The following DCLK1 variants were observed in gnomAD, a reference collection of about 807,000 sequenced individuals.
DCLK1 encodes the protein doublecortin like kinase 1, also known as serine/threonine-protein kinase DCLK1.
A neutral mutation model predicts 86.2 loss-of-function variants in DCLK1; 16 were observed. The ratio of observed to expected loss-of-function variants is 0.19; its 90% CI spans 0.13 to 0.28. DCLK1 has a LOEUF of 0.28. Ranked by LOEUF, DCLK1 falls within the 10% of genes least tolerant of loss-of-function variation. The pLI, the probability that DCLK1 is intolerant of heterozygous loss-of-function variation, is 1.00. For missense variants in DCLK1, 590 were observed against 940.2 expected, an observed-to-expected ratio of 0.63 and a Z score of 4.87; for synonymous variants, 369 against 370.5, an observed-to-expected ratio of 1.00 and a Z score of 0.05.
intron 3 of DCLK1, among the ~76,000 whole-genome samples, chr13:35,976,316 C>T (rs1879325784): frequency 6.6e-6 from 1 of 151,884 alleles, no homozygotes; most frequent in Non-Finnish European, 1.5e-5. Flanking sequence ...CAGCTGCAGC[C>T]CAGATGGAAG....
chr13:35,875,149 CATT>C (rs960390134), intron 4 of DCLK1, among the ~76,000 whole-genome samples: 1 of 152,164 alleles, frequency 6.6e-6, no homozygotes, highest in Non-Finnish European at 1.5e-5. Context: ...TTATGCAACA[CATT>C]GTTGTTAAGT....
At chr13:35,985,391 CA>C (rs139242465) in intron 3 of DCLK1, among the ~76,000 whole-genome samples, 30,528 of 139,406 alleles carry the variant, frequency 0.22, 3,207 homozygotes, top group Middle Eastern at 0.35. Context: ...AACAAACAAA[CA>C]AAAAAAAAAA....
Position 35,793,408 on chromosome 13 carries a change from G to A in DCLK1, c.2016C>T (p.Gly672=), listed in dbSNP as rs1442010379. The A allele has an allele frequency of 6.2e-7, 1 of 1,609,524 alleles. No homozygotes were observed. The highest frequency in any genetic ancestry group is 1.7e-5 in the Admixed American group (1 of 59,572). The change falls in exon 16 of 17, where the codon GGC becomes GGT. Residue 672 remains glycine (G), a synonymous_variant. Coordinates refer to ENST00000360631, the MANE Select transcript of DCLK1 (RefSeq NM_001330071.2). The part of the protein sequence containing the change: ...AGKIKKHFNT[G]PKPNSTAAGV... ...CAGCTGCTGTGCTATTCGGCTTGGG[G>A]CCTGTGTTGAAATGCTTCTTTATCT...
intron 16 of DCLK1, among the ~76,000 whole-genome samples, chr13:35,791,917 C>T (rs1007038445): frequency 4.6e-5 from 7 of 152,068 alleles, no homozygotes; most frequent in Non-Finnish European, 8.8e-5. Flanking sequence ...ATATCTTGAA[C>T]GAACAATGGA....
At chr13:35,892,029 C>G (rs376138486) in intron 4 of DCLK1, among the ~76,000 whole-genome samples, 2 of 151,984 alleles carry the variant, frequency 1.3e-5, no homozygotes, top group African/African-American at 2.4e-5. Flanking sequence ...GGTAAATAGT[C>G]TTGAATGATT....
chr13:36,031,301 T>G (rs1882259824), intron 3 of DCLK1, among the ~76,000 whole-genome samples: 1 of 144,730 alleles, frequency 6.9e-6, no homozygotes, highest in Admixed American at 7.1e-5. Context: ...GTGAGGCTCA[T>G]GGACTGGGTC....
intron 3 of DCLK1, among the ~76,000 whole-genome samples, chr13:35,962,694 T>C (rs981042120): frequency 6.6e-6 from 1 of 152,226 alleles, no homozygotes; most frequent in Non-Finnish European, 1.5e-5. Flanking sequence ...CCATTGAGCT[T>C]AGTTAAGTTT....
At chr13:35,793,723 AT>A (rs941620366) in intron 15 of DCLK1, among the ~76,000 whole-genome samples, 5 of 148,568 alleles carry the variant, frequency 3.4e-5, no homozygotes, top group African/African-American at 1.2e-4. Flanking sequence ...TTGTCTCTAA[AT>A]TAAAAAAAAA....
intron 3 of DCLK1, among the ~76,000 whole-genome samples, chr13:36,067,886 T>A (rs7982504): frequency 0.66 from 100,340 of 152,036 alleles, 33,756 homozygotes; most frequent in East Asian, 0.99. Flanking sequence ...CACAGAACAC[T>A]AATCTGCTTT....
intron 3 of DCLK1, among the ~76,000 whole-genome samples, chr13:36,050,421 T>C (rs1883081032): frequency 6.6e-6 from 1 of 152,134 alleles, no homozygotes; most frequent in Non-Finnish European, 1.5e-5. Context: ...CTTGGTGGAC[T>C]TGAACAATAA....
intron 8 of DCLK1, among the ~76,000 whole-genome samples, chr13:35,833,667 T>C (rs1425301934): frequency 6.6e-6 from 1 of 152,220 alleles, no homozygotes; most frequent in Non-Finnish European, 1.5e-5. Context: ...AGGAGAGGCA[T>C]ATTCACCCTT....
chr13:35,858,161 G>A (rs1871180339), intron 5 of DCLK1, among the ~76,000 whole-genome samples: 1 of 152,104 alleles, frequency 6.6e-6, no homozygotes, highest in African/African-American at 2.4e-5. Context: ...GAGAGAGTGG[G>A]GCACATTTAA....
intron 4 of DCLK1, among the ~76,000 whole-genome samples, chr13:35,896,813 A>G (rs2153120994): frequency 6.6e-6 from 1 of 152,208 alleles, no homozygotes; most frequent in Non-Finnish European, 1.5e-5. Flanking sequence ...TAAGGTGCTA[A>G]GTATGCTGGG....
intron 3 of DCLK1, among the ~76,000 whole-genome samples, chr13:35,973,059 C>T (rs866099457): frequency 3.9e-5 from 6 of 151,986 alleles, no homozygotes; most frequent in South Asian, 4.2e-4. Flanking sequence ...GGAGCTTCCA[C>T]GAAGACAGAG....
chr13:35,917,822 C>T (rs1555349913), intron 4 of DCLK1, among the ~76,000 whole-genome samples: 5 of 139,312 alleles, frequency 3.6e-5, no homozygotes, highest in Non-Finnish European at 6.3e-5. Flanking sequence ...GGGGGCAGGG[C>T]GGGGAGGCCT....
At chr13:35,836,878 C>T (rs1869423901) in intron 7 of DCLK1, among the ~76,000 whole-genome samples, 1 of 152,096 alleles carries the variant, frequency 6.6e-6, no homozygotes, top group Admixed American at 6.6e-5. Flanking sequence ...TATCTAAGGC[C>T]ATAAAACTAA....
intron 3 of DCLK1, among the ~76,000 whole-genome samples, chr13:35,950,728 AAG>A (rs1355232023): frequency 6.6e-6 from 1 of 152,126 alleles, no homozygotes; most frequent in Admixed American, 6.5e-5. Context: ...AGTTTGAGAA[AAG>A]AGAGATGTCC....
chr13:36,045,701 G>T (rs545171589), intron 3 of DCLK1, among the ~76,000 whole-genome samples: 26 of 151,708 alleles, frequency 1.7e-4, no homozygotes. Flanking sequence ...AAAACACAAA[G>T]ATTAGCCAGG....
At chr13:36,084,987 C>T (rs1884543760) in intron 3 of DCLK1, among the ~76,000 whole-genome samples, 2 of 152,140 alleles carry the variant, frequency 1.3e-5, no homozygotes, top group Admixed American at 1.3e-4. Context: ...AAACAAATTT[C>T]TCATTACCAC....
Sources: gnomAD v4.1 joint callset for allele counts (sites outside exome capture counted in the v4.1 genomes callset) on GRCh38, gnomAD v4.1.1 for gene constraint, MANE v1.5 for transcripts, NCBI Gene and HGNC (gene_info 2026-07-23, HGNC 2026-07-21) for gene names.